The following SDC1 variants were observed in gnomAD, a reference collection of about 807,000 sequenced individuals.
SDC1 encodes the protein syndecan-1.
Under a neutral mutation model 29.7 loss-of-function variants are expected in SDC1, and 14 were observed. That is an observed-to-expected ratio of 0.47 (90% CI 0.31 to 0.74). The LOEUF is 0.74. SDC1 is among the 30% of genes least tolerant of loss of function. The pLI is 0.05. For missense variants in SDC1, 406 were observed against 400.3 expected (o/e 1.01, Z -0.12); for synonymous variants, 204 against 175.5 (o/e 1.16, Z -1.29).
At chr2:20,203,618 T>G (rs1177754666) in intron 3 of SDC1, among the ~76,000 whole-genome samples, 195 bp downstream of exon 3, 2 of 152,152 alleles carry the variant, frequency 1.3e-5, no homozygotes, top group Non-Finnish European at 2.9e-5. Flanking sequence ...TCTTTAAGGG[T>G]GCTTCTGCTC....
At chr2:20,221,630 T>C (rs1677822305) in intron 1 of SDC1, among the ~76,000 whole-genome samples, 1 of 152,120 alleles carries the variant, frequency 6.6e-6, no homozygotes, top group Non-Finnish European at 1.5e-5. Context: ...AAAATATGAA[T>C]ACACAGGACA....
chr2:20,206,986 C>T (rs1677292949), intron 1 of SDC1, among the ~76,000 whole-genome samples: 1 of 152,266 alleles, frequency 6.6e-6, no homozygotes, highest in Non-Finnish European at 1.5e-5. Flanking sequence ...CACCAGAAGC[C>T]TCTGCACTGA....
In SDC1 at chr2:20,203,897, C is replaced by T. The variant is rs1286136210; in HGVS notation, c.543G>A (p.Glu181=). 2.6e-5 allele frequency: 42 copies of T among 1,612,076 alleles called. No individual in the cohort carries two copies. Among genetic ancestry groups the T allele is most frequent in the Non-Finnish European group, 3.5e-5 (41 of 1,179,262 alleles). ...TCTCGGTGGCAGAAGGACCTCCATC[C>T]TCTGTGTGGGGAGTGTGAAGGTCAG... The part of the protein sequence containing the change: ...SQADLHTPHT[E]DGGPSATERA... Residue 181 remains glutamate, a synonymous_variant, in exon 3 of 5, where the codon GAG becomes GAA. Transcript: ENST00000254351.
intron 2 of SDC1, 81 bp from the exon 3 acceptor site, chr2:20,204,372 G>GTGGGGAGGAGCAGAAGC (rs1394111224): frequency 1.1e-6 from 1 of 879,500 alleles, no homozygotes. Context: ...TGGGTCGGGG[G>GTGGGGAGGAGCAGAAGC]AGGCTCCAGA....
intron 1 of SDC1, among the ~76,000 whole-genome samples, chr2:20,212,861 G>C: frequency 6.6e-6 from 1 of 152,272 alleles, no homozygotes; most frequent in South Asian, 2.1e-4. Flanking sequence ...ACCCCTCACT[G>C]TCCTGGGGGC....
At chr2:20,209,984 C>T (rs1677409592) in intron 1 of SDC1, among the ~76,000 whole-genome samples, 1 of 152,218 alleles carries the variant, frequency 6.6e-6, no homozygotes, top group Non-Finnish European at 1.5e-5. Flanking sequence ...CAGCCCGCAC[C>T]CTGAATCACT....
intron 1 of SDC1, among the ~76,000 whole-genome samples, chr2:20,223,715 C>T (rs1219193718): frequency 6.6e-6 from 1 of 152,230 alleles, no homozygotes; most frequent in East Asian, 1.9e-4. Context: ...GGGGCTGTTC[C>T]CAGGAAAGGG....
At position 20,224,670 on chromosome 2, in the gene SDC1, G is replaced by C; in HGVS notation, c.66+132C>G. 9.1e-7 allele frequency: 1 copy of C among 1,094,680 alleles called. No individual in the cohort carries two copies. The highest frequency in any genetic ancestry group is 1.1e-6 in the Non-Finnish European group (1 of 874,782). 67.8% of individuals were successfully genotyped at this position (1,094,680 alleles called of 1,614,324 possible). On this transcript the variant is annotated intron_variant, in intron 1 of 4. Coordinates refer to ENST00000254351, the MANE Select transcript of SDC1 (RefSeq NM_002997.5). The surrounding 1 kb of genome is among the most constrained non-coding windows in gnomAD (Gnocchi z 4.9). ...CTGGTCTCGGGGCTCACCGTCCCGGGACCCGCTGGGCTAGCGCGGGAAGAA... is the reference window on the plus strand; with the variant it reads ...CTGGTCTCGGGGCTCACCGTCCCGGCACCCGCTGGGCTAGCGCGGGAAGAA...
chr2:20,212,613 C>T (rs548096299), intron 1 of SDC1, among the ~76,000 whole-genome samples: 1 of 152,328 alleles, frequency 6.6e-6, no homozygotes, highest in East Asian at 1.9e-4. Context: ...TCAGCATTTC[C>T]GGTGACAGGC....
chr2:20,219,323 C>T (rs1021210580), intron 1 of SDC1, among the ~76,000 whole-genome samples: 1 of 152,296 alleles, frequency 6.6e-6, no homozygotes, highest in Non-Finnish European at 1.5e-5. Context: ...CACACTGTCT[C>T]TCCACCTAAA....
At chr2:20,213,106 G>A (rs1553345436) in intron 1 of SDC1, among the ~76,000 whole-genome samples, 1 of 152,098 alleles carries the variant, frequency 6.6e-6, no homozygotes, top group Non-Finnish European at 1.5e-5. Context: ...CCTCATGCCA[G>A]CTCCGATGCC....
rs1322012979 is a variant in SDC1, at chr2:20,207,878, A to ATAC, written c.67-2457_67-2455dup. The ATAC allele has an allele frequency of 5.5e-6, 5 of 913,048 alleles. No homozygotes were observed. In the African/African-American group the frequency reaches 7.2e-5, roughly 13 times the overall value. The allele number at this position is 913,048 out of a possible 1,614,324, so 56.6% of individuals were successfully genotyped here. On this transcript the variant is annotated intron_variant, in intron 1 of 4. Transcript: ENST00000254351. ...AACCTGTCTCCTTCATCATCAAAGAATACTGCCCACCGGGGGATCACAGAG... is the reference window on the plus strand; with the variant it reads ...AACCTGTCTCCTTCATCATCAAAGAATACTACTGCCCACCGGGGGATCACAGAG...
chr2:20,223,610 G>A (rs151139022), intron 1 of SDC1, among the ~76,000 whole-genome samples: 2,842 of 152,308 alleles, frequency 0.019, 88 homozygotes, highest in African/African-American at 0.065. Context: ...CGGGGGCTGG[G>A]GAGGCGAACT....
In SDC1 at chr2:20,202,159, G is replaced by A. The variant is rs1000615386; in HGVS notation, c.*607C>T. 10 of 617,692 alleles carry A rather than the reference G, an allele frequency of 1.6e-5. No individual in the cohort carries two copies. In the East Asian group the frequency reaches 2.7e-4, roughly 17 times the overall value. The allele number at this position is 617,692 out of a possible 1,614,324, so 38.3% of individuals were successfully genotyped here. On this transcript the variant is annotated 3_prime_UTR_variant, in exon 5 of 5. Transcript: ENST00000254351. ...TGTCTCCCGACCATAGATTAGGGAA[G>A]CAAGATGGGGGGATACCGAATCAAC...
intron 1 of SDC1, among the ~76,000 whole-genome samples, chr2:20,218,802 CA>C (rs1306458737): frequency 6.6e-6 from 1 of 151,272 alleles, no homozygotes; most frequent in Admixed American, 6.6e-5. Flanking sequence ...GATATACACA[CA>C]GACATACACA....
intron 1 of SDC1, among the ~76,000 whole-genome samples, chr2:20,206,992 A>G (rs890601195): frequency 2.0e-5 from 3 of 152,252 alleles, no homozygotes; most frequent in African/African-American, 7.2e-5. Context: ...AAGCCTCTGC[A>G]CTGACTTGTC....
Position 20,203,147 on chromosome 2 carries a change from C to A in SDC1, c.703G>T (p.Val235Leu). 6.2e-7 allele frequency: 1 copy of A among 1,613,284 alleles called. No homozygotes were observed. The highest frequency in any genetic ancestry group is 8.5e-7 in the Non-Finnish European group (1 of 1,179,656). The part of the protein sequence containing the change: ...VEPDRRNQSP[V>L]DQGATGASQG... ...GAGGCCCCCGTGGCCCCCTGATCCA[C>A]TGGGGACTGGTTCCGGCGGTCAGGC... Residue 235 changes from valine (V) to leucine (L), a missense_variant, in exon 4 of 5, where the codon GTG becomes TTG. By Grantham distance (32) the Val-to-Leu change is conservative. Coordinates refer to ENST00000254351, the MANE Select transcript of SDC1 (RefSeq NM_002997.5).
chr2:20,207,298 C>T, intron 1 of SDC1: 3 of 415,910 alleles, frequency 7.2e-6, no homozygotes, highest in Non-Finnish European at 9.7e-6. Flanking sequence ...TATCTTCCTT[C>T]CCCCAAGAGA....
In SDC1 at chr2:20,203,063, C is replaced by T; in HGVS notation, c.763+24G>A. Reference sequence around the variant, plus strand: ...CCCCACAGCAGCAATTCACCCCAAACTACCCCCCTGAAAGAAAACTCACCT... The same window carrying T: ...CCCCACAGCAGCAATTCACCCCAAATTACCCCCCTGAAAGAAAACTCACCT... On this transcript the variant is annotated intron_variant, in intron 4 of 4. Coordinates refer to ENST00000254351, the MANE Select transcript of SDC1 (RefSeq NM_002997.5). The T allele has an allele frequency of 6.3e-7, 1 of 1,584,956 alleles. No homozygotes were observed. Among genetic ancestry groups the T allele is most frequent in the Non-Finnish European group, 8.6e-7 (1 of 1,160,382 alleles).
Sources: allele counts gnomAD v4.1 joint callset (sites outside exome capture counted in the v4.1 genomes callset), GRCh38; gene constraint gnomAD v4.1.1; non-coding constraint Gnocchi (gnomAD v3.1); transcripts MANE v1.5; gene names NCBI Gene and HGNC (gene_info 2026-07-23, HGNC 2026-07-21).